The following ASAP1 variants were observed in gnomAD, a reference collection of about 807,000 sequenced individuals.
ASAP1 encodes arf-GAP with SH3 domain, ANK repeat and PH domain-containing protein 1.
Under a neutral mutation model 145.2 loss-of-function variants are expected in ASAP1, and 43 were observed. The observed-to-expected ratio is 0.30, with a 90% CI of 0.23 to 0.38. The LOEUF (loss-of-function observed/expected upper bound fraction) is 0.38. Among genes scored for constraint, ASAP1 ranks in the 10% least tolerant of loss-of-function variants. ASAP1 has a pLI of 1.00. For missense variants in ASAP1, 1,018 were observed against 1,355.3 expected (o/e 0.75, Z 3.91); for synonymous variants, 546 against 515.5 (o/e 1.06, Z -0.80).
At position 130,300,153 on chromosome 8, in the gene ASAP1, C is replaced by CAGAGAGAGAGAGAGAGAGAGAG. The variant is rs369720584; in HGVS notation, c.186+57842_186+57863dup. The stretch of plus-strand genomic sequence containing the variant: ...ACACACACACACACACACACACACA[C>CAGAGAGAGAGAGAGAGAGAGAG]AGAGAGAGAGAGAGAGAGAGAGAGA... On this transcript the variant is annotated intron_variant, in intron 3 of 29. Transcript: ENST00000518721. 8.5e-4 allele frequency among the ~76,000 whole-genome samples: 65 copies of CAGAGAGAGAGAGAGAGAGAGAG among 76,914 alleles called. 1 individual carries two copies. Among genetic ancestry groups the CAGAGAGAGAGAGAGAGAGAGAG allele is most frequent in the African/African-American group, 1.9e-3 (36 of 18,490 alleles). 50.5% of individuals were successfully genotyped at this position (76,914 alleles called of 152,430 possible).
chr8:130,429,959 C>T (rs1376747870), intron 1 of ASAP1, among the ~76,000 whole-genome samples: 4 of 152,198 alleles, frequency 2.6e-5, no homozygotes, highest in Non-Finnish European at 4.4e-5. Context: ...GCCTGGGCAA[C>T]GTGCCCCAGT....
chr8:130,353,596 G>C (rs534907462), intron 3 of ASAP1, among the ~76,000 whole-genome samples: 5 of 152,314 alleles, frequency 3.3e-5, no homozygotes, highest in African/African-American at 4.8e-5. Flanking sequence ...TGGGCCAGGC[G>C]TGGTGGCTCA....
In ASAP1 at chr8:130,116,690, C is replaced by A. The variant is rs1389573191; in HGVS notation, c.2052G>T (p.Gln684His). ...LDIAKRLKAT[Q>H]CEDLLSQAKS... Reference sequence around the variant, plus strand: ...CATTTTTGCTTACCAGATCTTCACACTGGGTAGCTTTTAGTCTCTTTGCTA... The same window carrying A: ...CATTTTTGCTTACCAGATCTTCACAATGGGTAGCTTTTAGTCTCTTTGCTA... Residue 684 changes from glutamine (Q) to histidine (H), a missense_variant, in exon 22 of 30, where the codon CAG becomes CAT. By Grantham distance (24) the Gln-to-His change is conservative. Coordinates refer to ENST00000518721, the MANE Select transcript of ASAP1 (RefSeq NM_018482.4). 9 of 1,613,940 alleles carry A rather than the reference C, an allele frequency of 5.6e-6. No homozygotes were observed. Among genetic ancestry groups the A allele is most frequent in the African/African-American group, 2.7e-5 (2 of 74,922 alleles).
At chr8:130,425,111 C>T (rs533678213) in intron 1 of ASAP1, among the ~76,000 whole-genome samples, 1 of 152,272 alleles carries the variant, frequency 6.6e-6, no homozygotes, top group South Asian at 2.1e-4. Flanking sequence ...TGGGCGAAAT[C>T]ACTTGAAATC....
Position 130,052,114 on chromosome 8 carries a change from A to G in ASAP1, c.*2617T>C, listed in dbSNP as rs1003833735. ...GCCTGATTTCAGAAGTTTGGGATCA[A>G]CTGAGAATATGTTTATTTAAAAGCA... On this transcript the variant is annotated 3_prime_UTR_variant, in exon 30 of 30. Transcript: ENST00000518721. 2 of 152,698 alleles carry G rather than the reference A, an allele frequency of 1.3e-5. No individual in the cohort carries two copies. The highest frequency in any genetic ancestry group is 1.3e-4 in the Admixed American group (2 of 15,286). The allele number at this position is 152,698 out of a possible 1,614,324, so 9.5% of individuals were successfully genotyped here.
intron 3 of ASAP1, among the ~76,000 whole-genome samples, chr8:130,241,123 G>C (rs1305059429): frequency 6.6e-6 from 1 of 152,140 alleles, no homozygotes; most frequent in Admixed American, 6.6e-5. Context: ...GCCTGCTCAG[G>C]ACATTTGAAC....
At chr8:130,240,215 T>C (rs1444887738) in intron 3 of ASAP1, among the ~76,000 whole-genome samples, 3 of 152,066 alleles carry the variant, frequency 2.0e-5, no homozygotes, top group African/African-American at 7.2e-5. Context: ...TATGAACTGG[T>C]AGGGTGTAAA....
chr8:130,249,058 C>G (rs1251523881), intron 3 of ASAP1, among the ~76,000 whole-genome samples: 2 of 151,818 alleles, frequency 1.3e-5, no homozygotes, highest in Non-Finnish European at 2.9e-5. Flanking sequence ...GCCTCTATGT[C>G]AGGTTATTCT....
At chr8:130,094,888 A>C (rs2097513937) in intron 24 of ASAP1, among the ~76,000 whole-genome samples, 1 of 152,164 alleles carries the variant, frequency 6.6e-6, no homozygotes, top group African/African-American at 2.4e-5. Context: ...CCATCTAGGG[A>C]CTTTCTGATG....
intron 3 of ASAP1, among the ~76,000 whole-genome samples, chr8:130,238,766 T>A (rs1487667882): frequency 1.3e-5 from 2 of 152,098 alleles, no homozygotes; most frequent in Non-Finnish European, 2.9e-5. Flanking sequence ...GTTAAGTAAC[T>A]TTCCCAAGGT....
intron 4 of ASAP1, among the ~76,000 whole-genome samples, chr8:130,218,113 C>T (rs1200721264): frequency 1.3e-5 from 2 of 152,116 alleles, no homozygotes. Context: ...AGAAGACACA[C>T]AGGTTTCATC....
intron 5 of ASAP1, among the ~76,000 whole-genome samples, chr8:130,204,061 G>A (rs1395810950): frequency 6.6e-6 from 1 of 152,178 alleles, no homozygotes; most frequent in Non-Finnish European, 1.5e-5. Flanking sequence ...AACCGGTACA[G>A]GTCTGTGGCT....
At chr8:130,376,903 CAAAAAAAAAAAAA>C (rs34006260) in intron 2 of ASAP1, among the ~76,000 whole-genome samples, 5 of 26,004 alleles carry the variant, frequency 1.9e-4, no homozygotes, top group African/African-American at 2.2e-4. Flanking sequence ...AACTCCATCT[CAAAAAAAAAAAAA>C]AAAAAAAAAA....
intron 11 of ASAP1, among the ~76,000 whole-genome samples, chr8:130,160,573 C>T (rs2097667073): frequency 1.3e-5 from 2 of 152,120 alleles, no homozygotes; most frequent in South Asian, 4.2e-4. Flanking sequence ...GTGACAAGGG[C>T]CAAACCAACA....
chr8:130,065,490 T>A (rs1223798773), intron 27 of ASAP1, among the ~76,000 whole-genome samples: 1 of 152,108 alleles, frequency 6.6e-6, no homozygotes, highest in Non-Finnish European at 1.5e-5. Context: ...GAGTCCTGCC[T>A]TGGGGTACAT....
rs146669461 is a variant in ASAP1, at chr8:130,081,076, G to A, written c.2573-1105C>T. ...AAGACATAGGAAATACACTAATAAT[G>A]TGTAATGAGATGAACATCAGTTGCT... On this transcript the variant is annotated intron_variant, in intron 25 of 29. Coordinates refer to ENST00000518721, the MANE Select transcript of ASAP1 (RefSeq NM_018482.4). 2.8e-3 allele frequency among the ~76,000 whole-genome samples: 426 copies of A among 152,346 alleles called. 4 individuals carry two copies. Among genetic ancestry groups the A allele is most frequent in the African/African-American group, 9.9e-3 (411 of 41,574 alleles).
At chr8:130,360,225 T>A (rs1416473303) in intron 2 of ASAP1, among the ~76,000 whole-genome samples, 1 of 152,174 alleles carries the variant, frequency 6.6e-6, no homozygotes, top group Non-Finnish European at 1.5e-5. Flanking sequence ...CGCTATAGTA[T>A]AAAGAATCTG....
intron 3 of ASAP1, among the ~76,000 whole-genome samples, chr8:130,273,119 G>A (rs1185938144): frequency 1.3e-5 from 2 of 152,076 alleles, no homozygotes; most frequent in Non-Finnish European, 2.9e-5. Flanking sequence ...CCATAAACAT[G>A]TATAAATACA....
intron 3 of ASAP1, among the ~76,000 whole-genome samples, chr8:130,342,205 T>C (rs1430186982): frequency 1.3e-5 from 2 of 151,964 alleles, no homozygotes; most frequent in African/African-American, 2.4e-5. Flanking sequence ...AGAAGGCAAA[T>C]TGGCAAGGGT....
Sources: allele counts gnomAD v4.1 joint callset (sites outside exome capture counted in the v4.1 genomes callset), GRCh38; gene constraint gnomAD v4.1.1; transcripts MANE v1.5; gene names NCBI Gene and HGNC (gene_info 2026-07-23, HGNC 2026-07-21).